The following DTNA variants were observed in gnomAD, a reference collection of about 807,000 sequenced individuals.
DTNA encodes dystrobrevin alpha, also known as dystrophin-related protein 3.
Under a neutral mutation model 100.7 loss-of-function variants are expected in DTNA, and 43 were observed. The observed-to-expected ratio is 0.43, with a 90% CI of 0.33 to 0.55. The LOEUF (loss-of-function observed/expected upper bound fraction) is 0.55, where lower values mean the gene tolerates loss of function less well. DTNA is among the 20% of genes least tolerant of loss of function. The pLI is 0.04. For missense variants in DTNA, 798 were observed against 953.9 expected (o/e 0.84, Z 2.15); for synonymous variants, 349 against 347.9 (o/e 1.00, Z -0.04).
chr18:34,659,729 C>T (rs931502221), intron 1 of DTNA, among the ~76,000 whole-genome samples: 1 of 152,150 alleles, frequency 6.6e-6, no homozygotes, highest in Non-Finnish European at 1.5e-5. Flanking sequence ...AAAATACTTC[C>T]TCTCACCAGC....
intron 1 of DTNA, among the ~76,000 whole-genome samples, chr18:34,573,003 T>C (rs55758945): frequency 0.1 from 15,582 of 152,216 alleles, 1,175 homozygotes; most frequent in African/African-American, 0.2. Context: ...GAAATAATGA[T>C]TTCTAAATCA....
At chr18:34,668,370 A>C (rs1184170532) in intron 1 of DTNA, among the ~76,000 whole-genome samples, 1 of 152,154 alleles carries the variant, frequency 6.6e-6, no homozygotes, top group East Asian at 1.9e-4. Flanking sequence ...TCTTTTCAAA[A>C]AACCAGATCC....
rs572830638 is a variant in DTNA, at chr18:34,596,337, G to A, written c.-2+102823G>A. Among the ~76,000 whole-genome samples, 315 of 152,208 alleles carry A rather than the reference G, an allele frequency of 2.1e-3. 5 individuals are homozygous for A. The highest frequency in any genetic ancestry group is 2.7e-3 in the South Asian group (13 of 4,820). ...GGGTTCAAGTGATTCTCGTACCTTG[G>A]CCTCCCAAGTAGCTGGGATTACAGG... On this transcript the variant is annotated intron_variant, in intron 1 of 19. Transcript: ENST00000283365.
intron 1 of DTNA, among the ~76,000 whole-genome samples, chr18:34,702,989 T>G (rs1260747631): frequency 1.3e-5 from 2 of 152,222 alleles, no homozygotes; most frequent in African/African-American, 4.8e-5. Flanking sequence ...TTGCTAACTT[T>G]TATTGTTTAA....
chr18:34,577,177 A>G lies in DTNA; in HGVS notation c.-2+83663A>G, dbSNP rs8084324. ...ATTTGGAAGCCCTATTTTTAGTTGT[A>G]TATCTTCCTGATGAAGTGACCCTTT... is the stretch of plus-strand genomic sequence containing the variant. On this transcript the variant is annotated intron_variant, in intron 1 of 19. Coordinates refer to the DTNA transcript ENST00000283365. Among the ~76,000 whole-genome samples the G allele has an allele frequency of 5.9e-5, 9 of 152,242 alleles. No individual in the cohort carries two copies. The East Asian group carries it at 1.5e-3, about 26-fold the overall frequency.
chr18:34,709,904 A>G (rs1353860365), upstream of DTNA, among the ~76,000 whole-genome samples: 3 of 152,178 alleles, frequency 2.0e-5, no homozygotes, highest in Non-Finnish European at 2.9e-5. Context: ...TAATGTTTCT[A>G]AAGGAGCTGT....
chr18:34,556,645 G>C (rs201730626), intron 1 of DTNA, among the ~76,000 whole-genome samples: 13,871 of 151,796 alleles, frequency 0.091, 640 homozygotes, highest in South Asian at 0.11. Context: ...AGTTTGGCTG[G>C]ATATGAAATT....
At chr18:34,731,530 T>C (rs540386197) in intron 1 of DTNA, among the ~76,000 whole-genome samples, 5 of 152,044 alleles carry the variant, frequency 3.3e-5, no homozygotes, top group African/African-American at 1.2e-4. Flanking sequence ...AAAAGGGATA[T>C]ACAATACTTT....
At chr18:34,598,118 T>C (rs1007363070) in intron 1 of DTNA, among the ~76,000 whole-genome samples, 2 of 152,212 alleles carry the variant, frequency 1.3e-5, no homozygotes, top group African/African-American at 2.4e-5. Context: ...AGAATAATGA[T>C]CATTAGTAAT....
intron 2 of DTNA, among the ~76,000 whole-genome samples, chr18:34,760,986 C>T (rs1321388697): frequency 2.6e-5 from 4 of 152,126 alleles, no homozygotes; most frequent in African/African-American, 9.7e-5. Context: ...CTGTTTGTAC[C>T]TTACTTAGCT....
chr18:34,772,951 C>A (rs1057512629), intron 3 of DTNA, among the ~76,000 whole-genome samples: 5 of 152,176 alleles, frequency 3.3e-5, no homozygotes, highest in African/African-American at 7.2e-5. Flanking sequence ...GCCCCGTTTC[C>A]TTGCTGGCTG....
At chr18:34,853,938 G>A (rs1030764498) in intron 15 of DTNA, among the ~76,000 whole-genome samples, 43 of 152,280 alleles carry the variant, frequency 2.8e-4, no homozygotes, top group African/African-American at 9.1e-4. Context: ...ATGAGCAAAG[G>A]CACTTTAAAA....
At chr18:34,734,770 T>G (rs2089178643) in intron 1 of DTNA, among the ~76,000 whole-genome samples, 1 of 152,184 alleles carries the variant, frequency 6.6e-6, no homozygotes, top group African/African-American at 2.4e-5. Flanking sequence ...GTCACCAAAC[T>G]CCTTGCCTCT....
intron 1 of DTNA, among the ~76,000 whole-genome samples, chr18:34,518,273 G>A (rs2041844827): frequency 6.6e-6 from 1 of 151,856 alleles, no homozygotes; most frequent in Non-Finnish European, 1.5e-5. Flanking sequence ...TTTTCTAATT[G>A]GATTGTTTGT....
At chr18:34,773,199 A>G (rs918860173) in intron 3 of DTNA, among the ~76,000 whole-genome samples, 2 of 152,236 alleles carry the variant, frequency 1.3e-5, no homozygotes, top group Non-Finnish European at 2.9e-5. Flanking sequence ...TGGGATCATA[A>G]TATCATCTGC....
intron 1 of DTNA, among the ~76,000 whole-genome samples, chr18:34,516,314 G>C (rs190471275): frequency 6.6e-6 from 1 of 152,138 alleles, no homozygotes; most frequent in East Asian, 1.9e-4. Context: ...ATGCTTCGAG[G>C]GCAATAAAAT....
intron 1 of DTNA, among the ~76,000 whole-genome samples, chr18:34,596,332 C>T (rs35281432): frequency 0.071 from 10,748 of 152,240 alleles, 454 homozygotes; most frequent in African/African-American, 0.095. Context: ...GATTCTCGTA[C>T]CTTGGCCTCC....
chr18:34,552,857 T>C (rs1233926290), intron 1 of DTNA, among the ~76,000 whole-genome samples: 2 of 143,936 alleles, frequency 1.4e-5, no homozygotes, highest in African/African-American at 2.8e-5. Context: ...TGTGTCTTTA[T>C]AGCAGCATGA....
At chr18:34,740,361 C>T (rs756950721) in intron 1 of DTNA, among the ~76,000 whole-genome samples, 4 of 152,164 alleles carry the variant, frequency 2.6e-5, no homozygotes, top group Admixed American at 2.6e-4. Flanking sequence ...TAAAAAGGAA[C>T]TGCTTGTTCA....
Sources: gnomAD v4.1 joint callset for allele counts (sites outside exome capture counted in the v4.1 genomes callset) on GRCh38, gnomAD v4.1.1 for gene constraint, MANE v1.5 for transcripts, NCBI Gene and HGNC (gene_info 2026-07-23, HGNC 2026-07-21) for gene names.